NAV3: variants seen among roughly 807,000 people sequenced by gnomAD.
The protein encoded by NAV3 is neuron navigator 3.
Under a neutral mutation model 244.7 loss-of-function variants are expected in NAV3, and 87 were observed. That is an observed-to-expected ratio of 0.36 (90% CI 0.30 to 0.42). The LOEUF (loss-of-function observed/expected upper bound fraction) is 0.42. NAV3 is among the 20% of genes least tolerant of loss of function. The pLI is 1.00. For missense variants in NAV3, 2,663 were observed against 2,893.3 expected (o/e 0.92, Z 1.83); for synonymous variants, 1,126 against 1,042.2 (o/e 1.08, Z -1.55).
chr12:77,969,371 A>G (rs1892801788), intron 5 of NAV3, among the ~76,000 whole-genome samples: 1 of 152,268 alleles, frequency 6.6e-6, no homozygotes, highest in South Asian at 2.1e-4. Flanking sequence ...AGTAAATGAT[A>G]TATAACAAGA....
rs559816445 is a variant in NAV3, at chr12:78,118,674, GC to G, written c.3040+378del. 1.1e-4 allele frequency among the ~76,000 whole-genome samples: 17 copies of G among 152,298 alleles called. No homozygotes were observed. In the South Asian group the frequency reaches 3.5e-3, roughly 32 times the overall value. ...TTTACACTAAATATGCCACTGAATT[GC>G]ACTACAGACTCTGAGAGGAACAAGC... is the stretch of plus-strand genomic sequence containing the variant. On this transcript the variant is annotated intron_variant, in intron 14 of 39. Transcript: ENST00000397909.
Position 78,020,702 on chromosome 12 carries a change from A to G in NAV3, c.1908-1045A>G, listed in dbSNP as rs548041353. Among the ~76,000 whole-genome samples the G allele has an allele frequency of 4.6e-5, 7 of 152,272 alleles. No homozygotes were observed. The South Asian group carries it at 1.4e-3, about 32-fold the overall frequency. On this transcript the variant is annotated intron_variant, in intron 8 of 39. Coordinates refer to ENST00000397909, the MANE Select transcript of NAV3 (RefSeq NM_001024383.2). ...ATTACTTTTTTTCTCTTGAAACTCAAATTTAGATTAAAAGCAAAATGTTAA... is the reference window on the plus strand; with the variant it reads ...ATTACTTTTTTTCTCTTGAAACTCAGATTTAGATTAAAAGCAAAATGTTAA...
intron 12 of NAV3, among the ~76,000 whole-genome samples, chr12:78,098,630 T>C (rs1954377976): frequency 6.6e-6 from 1 of 151,814 alleles, no homozygotes; most frequent in Non-Finnish European, 1.5e-5. Context: ...TTTATGGAGT[T>C]GACTGAAACA....
chr12:77,998,908 G>C (rs1362952417), intron 7 of NAV3, among the ~76,000 whole-genome samples: 1 of 152,028 alleles, frequency 6.6e-6, no homozygotes, highest in African/African-American at 2.4e-5. Flanking sequence ...ATTACAGTAG[G>C]TTTTTATCTT....
At chr12:78,000,820 T>C (rs1450249404) in intron 7 of NAV3, among the ~76,000 whole-genome samples, 1 of 150,292 alleles carries the variant, frequency 6.7e-6, no homozygotes, top group Non-Finnish European at 1.5e-5. Flanking sequence ...TTTATAAAAA[T>C]ACAAAAAATT....
intron 2 of NAV3, among the ~76,000 whole-genome samples, chr12:77,807,410 G>C (rs1264413076): frequency 6.6e-6 from 1 of 152,112 alleles, no homozygotes; most frequent in Admixed American, 6.5e-5. Context: ...GTCTGTAAAG[G>C]ATTTCATTTC....
chr12:78,179,649 T>C lies in NAV3; in HGVS notation c.5484T>C (p.Leu1828=). 1 of 1,613,024 alleles carries C rather than the reference T, an allele frequency of 6.2e-7. No homozygotes were observed. The highest frequency in any genetic ancestry group is 8.5e-7 in the Non-Finnish European group (1 of 1,179,332). The change falls in exon 29 of 40, where the codon CTT becomes CTC. Residue 1828 remains leucine (L), a synonymous_variant. Transcript: ENST00000397909. ...AGGCCCTCAGCTCTGCTCATCATCTTGATCAGATCCGGGAAGCCATGAACC... is the reference window on the plus strand; with the variant it reads ...AGGCCCTCAGCTCTGCTCATCATCTCGATCAGATCCGGGAAGCCATGAACC... ...RLEALSSAHH[L]DQIREAMNRM...
chr12:77,834,039 A>C lies in NAV3; in HGVS notation c.243+2335A>C, dbSNP rs536092898. On this transcript the variant is annotated intron_variant, in intron 1 of 39. Transcript: ENST00000397909. ...TTCTTCCGCCAGTGTGTTCCTCTCG[A>C]TGTCCAGCCATTTTTGTCTCTGCCT... is the stretch of plus-strand genomic sequence containing the variant. Among the ~76,000 whole-genome samples the C allele has an allele frequency of 2.0e-3, 301 of 151,522 alleles. 3 individuals carry two copies. The Middle Eastern group carries it at 0.027, about 14-fold the overall frequency.
At chr12:77,777,441 G>A (rs1253860164) in intron 2 of NAV3, among the ~76,000 whole-genome samples, 1 of 152,142 alleles carries the variant, frequency 6.6e-6, no homozygotes, top group African/African-American at 2.4e-5. Flanking sequence ...TGACCTATCA[G>A]GTGTATAGCA....
chr12:78,109,198 T>C (rs79460659), intron 12 of NAV3, among the ~76,000 whole-genome samples: 17,883 of 151,848 alleles, frequency 0.12, 1,159 homozygotes, highest in East Asian at 0.26. Context: ...ATGGAAAATA[T>C]AGAGAAATAG....
chr12:77,877,418 C>T (rs187855661), intron 1 of NAV3, among the ~76,000 whole-genome samples: 52 of 152,086 alleles, frequency 3.4e-4, no homozygotes, highest in African/African-American at 1.1e-3. Context: ...GTATGCTTTT[C>T]TGTCAGTATA....
chr12:78,088,197 C>A (rs1037305607), intron 12 of NAV3, among the ~76,000 whole-genome samples: 2 of 151,716 alleles, frequency 1.3e-5, no homozygotes, highest in Non-Finnish European at 2.9e-5. Flanking sequence ...ATACAATTAA[C>A]ATAATATATA....
chr12:78,154,586 G>A (rs1957226059), intron 22 of NAV3, among the ~76,000 whole-genome samples: 1 of 151,298 alleles, frequency 6.6e-6, no homozygotes, highest in African/African-American at 2.4e-5. Context: ...GGATTGAAAT[G>A]ATATTCCCTT....
intron 2 of NAV3, among the ~76,000 whole-genome samples, chr12:77,690,115 T>C (rs576867881): frequency 6.6e-6 from 1 of 151,968 alleles, no homozygotes; most frequent in South Asian, 2.1e-4. Flanking sequence ...GTCATCTGTA[T>C]CAGAGTAATC....
rs374932840 is a variant in NAV3 at position 77,806,193 on chromosome 12, C to A, written c.73-134126C>A. On this transcript the variant is annotated intron_variant, in intron 2 of 8. Transcript: ENST00000550042. ...AGTTCTGCTCTGATCTTCGTTATTT[C>A]TTGCCTTCTGCTAGCTTTTGAATTT... 4.6e-5 allele frequency among the ~76,000 whole-genome samples: 7 copies of A among 152,194 alleles called. No homozygotes were observed. The South Asian group carries it at 1.0e-3, about 23-fold the overall frequency.
intron 9 of NAV3, 37 bp from the exon 10 acceptor site, chr12:78,049,956 T>G: frequency 6.9e-7 from 1 of 1,447,834 alleles, no homozygotes; most frequent in Non-Finnish European, 9.6e-7. Flanking sequence ...GGATACTAAA[T>G]GTCATGAATA....
chr12:77,687,439 T>C (rs74104995), intron 2 of NAV3, among the ~76,000 whole-genome samples: 4,117 of 152,176 alleles, frequency 0.027, 184 homozygotes, highest in African/African-American at 0.093. Flanking sequence ...TTTTTCCTCC[T>C]CTGGGTCCAT....
At chr12:77,717,342 T>C (rs1876407901) in intron 2 of NAV3, among the ~76,000 whole-genome samples, 1 of 152,098 alleles carries the variant, frequency 6.6e-6, no homozygotes, top group Non-Finnish European at 1.5e-5. Context: ...TTGACTACAT[T>C]AAATACCTTA....
chr12:78,048,390 C>T (rs780995800), intron 9 of NAV3, among the ~76,000 whole-genome samples: 26 of 152,162 alleles, frequency 1.7e-4, no homozygotes, highest in East Asian at 1.2e-3. Context: ...GACCTTCAAA[C>T]GGGGTTTTTG....
Sources: gnomAD v4.1 joint callset for allele counts (sites outside exome capture counted in the v4.1 genomes callset) on GRCh38, gnomAD v4.1.1 for gene constraint, MANE v1.5 for transcripts, NCBI Gene and HGNC (gene_info 2026-07-23, HGNC 2026-07-21) for gene names.